CMSS1: variants seen among roughly 807,000 people sequenced by gnomAD.
CMSS1 encodes cms1 ribosomal small subunit homolog.
A neutral mutation model predicts 43.5 loss-of-function variants in CMSS1; 33 were observed. That is an observed-to-expected ratio of 0.76 (90% CI 0.57 to 1.01). The LOEUF (loss-of-function observed/expected upper bound fraction) is 1.01. Among genes scored for constraint, CMSS1 ranks in the 50% least tolerant of loss-of-function variants. The probability of loss-of-function intolerance (pLI) is 0.00; values close to 1 mark genes in which losing one functional copy is unlikely to be tolerated. For missense variants in CMSS1, 313 were observed against 326.4 expected (o/e 0.96, Z 0.32); for synonymous variants, 115 against 117.2 (o/e 0.98, Z 0.12).
intron 1 of CMSS1, among the ~76,000 whole-genome samples, chr3:99,825,008 A>G (rs551519656): frequency 1.3e-5 from 2 of 152,340 alleles, no homozygotes; most frequent in African/African-American, 4.8e-5. Flanking sequence ...TTTAAACCCA[A>G]GTACCCAGGT....
intron 1 of CMSS1, among the ~76,000 whole-genome samples, chr3:99,990,587 A>G (rs1218791601): frequency 6.6e-6 from 1 of 152,162 alleles, no homozygotes; most frequent in Non-Finnish European, 1.5e-5. Flanking sequence ...AGAGCCTCTA[A>G]ATAATACCAA....
chr3:100,088,105 A>G (rs62285471), intron 1 of CMSS1, among the ~76,000 whole-genome samples: 27,669 of 152,114 alleles, frequency 0.18, 2,899 homozygotes, highest in South Asian at 0.25. Flanking sequence ...TGCTGGGATT[A>G]CAGGCATGAG....
intron 1 of CMSS1, among the ~76,000 whole-genome samples, chr3:99,889,982 C>T (rs1706032891): frequency 6.6e-6 from 1 of 151,878 alleles, no homozygotes; most frequent in African/African-American, 2.4e-5. Context: ...ACTTTCTTCG[C>T]CTCTTATTTC....
chr3:100,063,177 G>C (rs993408569), intron 1 of CMSS1, among the ~76,000 whole-genome samples: 1 of 152,032 alleles, frequency 6.6e-6, no homozygotes, highest in African/African-American at 2.4e-5. Context: ...CCCACTACTT[G>C]TTGTCCATTT....
At chr3:100,164,844 T>C (rs1319993255) in intron 4 of CMSS1, among the ~76,000 whole-genome samples, 1 of 152,174 alleles carries the variant, frequency 6.6e-6, no homozygotes, top group African/African-American at 2.4e-5. Flanking sequence ...TGGTTTTGAT[T>C]TGAGGTTGTT....
At chr3:100,004,529 G>T (rs1325703909) in intron 1 of CMSS1, among the ~76,000 whole-genome samples, 2 of 152,156 alleles carry the variant, frequency 1.3e-5, no homozygotes, top group Non-Finnish European at 2.9e-5. Flanking sequence ...AAATTTAGTT[G>T]CAGGTGACGT....
intron 1 of CMSS1, among the ~76,000 whole-genome samples, chr3:100,128,834 A>T (rs764200651): frequency 6.6e-6 from 1 of 152,236 alleles, no homozygotes; most frequent in East Asian, 1.9e-4. Flanking sequence ...TTTGTCAGCT[A>T]TCTATTCCTT....
chr3:100,054,018 T>C (rs144258323), intron 1 of CMSS1, among the ~76,000 whole-genome samples: 1 of 152,376 alleles, frequency 6.6e-6, no homozygotes, highest in African/African-American at 2.4e-5. Context: ...TAAAAGTATG[T>C]AATATTCTCC....
rs535488721 is a variant in CMSS1 at position 99,860,988 on chromosome 3, A to G, written c.64+42945A>G. ...ACTCAGATGACATCTATCAAGAAGGAGCTTTTAAAAAGTTAATTACTGTGA... is the reference window on the plus strand; with the variant it reads ...ACTCAGATGACATCTATCAAGAAGGGGCTTTTAAAAAGTTAATTACTGTGA... On this transcript the variant is annotated intron_variant, in intron 1 of 9. Coordinates refer to ENST00000421999, the MANE Select transcript of CMSS1 (RefSeq NM_032359.4). Among the ~76,000 whole-genome samples the G allele has an allele frequency of 8.5e-5, 13 of 152,258 alleles. No homozygotes were observed. The East Asian group carries it at 2.3e-3, about 27-fold the overall frequency.
chr3:100,041,085 G>C (rs1430535795), intron 1 of CMSS1: 1 of 152,144 alleles, frequency 6.6e-6, no homozygotes, highest in Non-Finnish European at 1.5e-5. Context: ...TAGACAGTTG[G>C]ATGTGATCAC....
intron 1 of CMSS1, 57 bp from the exon 2 acceptor site, chr3:100,146,916 T>G: frequency 6.4e-7 from 1 of 1,568,338 alleles, no homozygotes; most frequent in Non-Finnish European, 8.7e-7. Context: ...GGTACCAAGA[T>G]TGCACTAGCA....
At chr3:99,996,193 T>C (rs958450602) in intron 1 of CMSS1, among the ~76,000 whole-genome samples, 5 of 152,126 alleles carry the variant, frequency 3.3e-5, no homozygotes, top group African/African-American at 1.2e-4. Context: ...TTCCACCAGA[T>C]ACCCTAAATC....
At chr3:100,010,226 G>A (rs1481216124) in intron 1 of CMSS1, 2 of 630,250 alleles carry the variant, frequency 3.2e-6, no homozygotes, top group African/African-American at 2.0e-5. Context: ...TGTCATTTTT[G>A]TGATTTCTCA....
At chr3:99,973,659 G>A (rs1165130826) in intron 1 of CMSS1, among the ~76,000 whole-genome samples, 3 of 152,120 alleles carry the variant, frequency 2.0e-5, no homozygotes, top group East Asian at 1.9e-4. Flanking sequence ...AACCACTTCT[G>A]TAAGAAGAAT....
chr3:100,033,178 C>T (rs190931747), intron 1 of CMSS1, among the ~76,000 whole-genome samples: 1 of 152,276 alleles, frequency 6.6e-6, no homozygotes, highest in East Asian at 1.9e-4. Context: ...ATTTTGGCCC[C>T]TTAAAACCTT....
intron 1 of CMSS1, among the ~76,000 whole-genome samples, chr3:99,929,240 C>T (rs1162556737): frequency 6.6e-6 from 1 of 152,176 alleles, no homozygotes; most frequent in Non-Finnish European, 1.5e-5. Flanking sequence ...AGTGGTGGCC[C>T]TGTTGGGACT....
rs78817408 is a variant in CMSS1 at position 100,076,154 on chromosome 3, A to T, written c.65-70819A>T. ...TATTTGTTAGTTATCTTGCCCGGAAAACCCTTAAAAATGTAAACAATAATT... is the reference window on the plus strand; with the variant it reads ...TATTTGTTAGTTATCTTGCCCGGAATACCCTTAAAAATGTAAACAATAATT... On this transcript the variant is annotated intron_variant, in intron 1 of 9. Transcript: ENST00000421999. 4.1e-3 allele frequency among the ~76,000 whole-genome samples: 618 copies of T among 152,340 alleles called. 7 individuals are homozygous for T. The highest frequency in any genetic ancestry group is 0.015 in the African/African-American group (605 of 41,576).
chr3:99,933,859 C>T (rs989189784), intron 1 of CMSS1, among the ~76,000 whole-genome samples: 9 of 152,100 alleles, frequency 5.9e-5, no homozygotes, highest in African/African-American at 2.2e-4. Flanking sequence ...ACTTTGTGCC[C>T]AACTGTCTCA....
chr3:100,003,893 G>A (rs1559721758), intron 1 of CMSS1, among the ~76,000 whole-genome samples: 1 of 152,176 alleles, frequency 6.6e-6, no homozygotes, highest in Non-Finnish European at 1.5e-5. Flanking sequence ...AATATAAAGA[G>A]AGAAGGCATA....
Sources: allele counts gnomAD v4.1 joint callset (sites outside exome capture counted in the v4.1 genomes callset), GRCh38; gene constraint gnomAD v4.1.1; transcripts MANE v1.5; gene names NCBI Gene and HGNC (gene_info 2026-07-23, HGNC 2026-07-21).